The following TPTE2 variants were observed in gnomAD, a reference collection of about 807,000 sequenced individuals.
The protein encoded by TPTE2 is phosphatidylinositol 3,4,5-trisphosphate 3-phosphatase TPTE2.
TPTE2 carries 53 observed loss-of-function variants against 78.6 expected under a neutral mutation model. That is an observed-to-expected ratio of 0.67 (90% CI 0.54 to 0.85). The LOEUF (loss-of-function observed/expected upper bound fraction) is 0.85. Among genes scored for constraint, TPTE2 ranks in the 40% least tolerant of loss-of-function variants. The pLI is 0.00. For missense variants in TPTE2, 461 were observed against 623.0 expected (o/e 0.74, Z 2.77); for synonymous variants, 175 against 206.2 (o/e 0.85, Z 1.30).
At chr13:19,469,933 T>G (rs1184709917) in intron 6 of TPTE2, among the ~76,000 whole-genome samples, 1 of 152,228 alleles carries the variant, frequency 6.6e-6, no homozygotes, top group Non-Finnish European at 1.5e-5. Flanking sequence ...GAGTCTTTAG[T>G]ATTTTCCAAA....
chr13:19,452,329 AAG>A (rs1269815127), intron 10 of TPTE2, among the ~76,000 whole-genome samples: 2 of 152,124 alleles, frequency 1.3e-5, no homozygotes, highest in Non-Finnish European at 2.9e-5. Flanking sequence ...GAATCAATGG[AAG>A]ATCAATAGGC....
At chr13:19,466,469 G>T (rs1244258073) in intron 7 of TPTE2, among the ~76,000 whole-genome samples, 1 of 152,178 alleles carries the variant, frequency 6.6e-6, no homozygotes, top group African/African-American at 2.4e-5. Flanking sequence ...AGCTTAGGAA[G>T]CCACCATCTA....
At chr13:19,504,167 T>A (rs1327383175), upstream of TPTE2, among the ~76,000 whole-genome samples, 1 of 152,162 alleles carries the variant, frequency 6.6e-6, no homozygotes, top group Non-Finnish European at 1.5e-5. Context: ...CAATATGACA[T>A]CCTAGACTTC....
rs1314992899 is a variant in TPTE2 at position 19,473,389 on chromosome 13, T to C, written c.392+525A>G. Among the ~76,000 whole-genome samples, 6 of 152,244 alleles carry C rather than the reference T, an allele frequency of 3.9e-5. No homozygotes were observed. The South Asian group carries it at 6.2e-4, about 16-fold the overall frequency. Reference sequence around the variant, plus strand: ...TTTAAAAGTCTACCTAGTGTTTTATTGTGCTACGGCTGAGCTGTCACTCAA... The same window carrying C: ...TTTAAAAGTCTACCTAGTGTTTTATCGTGCTACGGCTGAGCTGTCACTCAA... On this transcript the variant is annotated intron_variant, in intron 6 of 19. Coordinates refer to ENST00000400230, the Ensembl canonical transcript of TPTE2.
chr13:19,560,834 T>C, the TPTE2 span: 1 of 1,545,284 alleles, frequency 6.5e-7, no homozygotes, highest in East Asian at 2.4e-5. Flanking sequence ...CCAGGCGCGC[T>C]CCCGCAGGCT....
chr13:19,499,346 A>T (rs1291011110), intron 1 of TPTE2, among the ~76,000 whole-genome samples: 1 of 152,070 alleles, frequency 6.6e-6, no homozygotes, highest in Non-Finnish European at 1.5e-5. Flanking sequence ...CAGAATATAC[A>T]TTCTTCTCAG....
intron 13 of TPTE2, among the ~76,000 whole-genome samples, chr13:19,448,655 CAAAAG>C (rs975541748): frequency 4.0e-4 from 49 of 123,450 alleles, no homozygotes; most frequent in African/African-American, 1.3e-3. Flanking sequence ...AACAAAAAGA[CAAAAG>C]AAGAGTTGGT....
chr13:19,492,622 T>TA (rs1881065538), intron 3 of TPTE2, among the ~76,000 whole-genome samples: 2 of 152,304 alleles, frequency 1.3e-5, no homozygotes, highest in South Asian at 2.1e-4. Context: ...GAAACCTTGT[T>TA]AAAAAATACT....
At chr13:19,496,889 G>T (rs970261645) in intron 1 of TPTE2, among the ~76,000 whole-genome samples, 1 of 151,998 alleles carries the variant, frequency 6.6e-6, no homozygotes, top group African/African-American at 2.4e-5. Context: ...CTGAGGTACT[G>T]GGTTCATCTC....
chr13:19,508,099 C>T (rs1408132511), upstream of TPTE2, among the ~76,000 whole-genome samples: 2 of 152,118 alleles, frequency 1.3e-5, no homozygotes, highest in African/African-American at 4.8e-5. Context: ...ACACGGCTTA[C>T]GTCCTAGATT....
chr13:19,455,376 C>T (rs1193499114), intron 10 of TPTE2, among the ~76,000 whole-genome samples: 36 of 152,182 alleles, frequency 2.4e-4, no homozygotes, highest in Admixed American at 5.9e-4. Context: ...CATTTCACCT[C>T]GTAGTGCCCC....
intron 1 of TPTE2, among the ~76,000 whole-genome samples, chr13:19,494,777 C>T (rs1397458151): frequency 6.6e-6 from 1 of 152,134 alleles, no homozygotes; most frequent in Non-Finnish European, 1.5e-5. Context: ...CCAGGGCATT[C>T]GGATCAGGAC....
intron 1 of TPTE2, among the ~76,000 whole-genome samples, chr13:19,508,915 A>C (rs1158546886): frequency 1.3e-5 from 2 of 152,178 alleles, no homozygotes; most frequent in African/African-American, 4.8e-5. Context: ...TCCGTACCAT[A>C]AAGAAAGCTT....
At chr13:19,515,025 G>T (rs1363379033) in intron 1 of TPTE2, among the ~76,000 whole-genome samples, 1 of 152,026 alleles carries the variant, frequency 6.6e-6, no homozygotes, top group Non-Finnish European at 1.5e-5. Flanking sequence ...TCAGCATTTT[G>T]CCAATATTGG....
the TPTE2 span, among the ~76,000 whole-genome samples, chr13:19,557,335 A>C: frequency 6.6e-6 from 1 of 152,162 alleles, no homozygotes; most frequent in Non-Finnish European, 1.5e-5. Flanking sequence ...GTTACTTAAG[A>C]GTGTATGTGT....
At chr13:19,436,144 A>G (rs1877066056) in intron 15 of TPTE2, 82 bp downstream of exon 18, 8 of 1,149,352 alleles carry the variant, frequency 7.0e-6, no homozygotes, top group Non-Finnish European at 8.6e-6. Context: ...AAAGGAGAAG[A>G]GTCTAAAATG....
At chr13:19,477,473 C>A (rs1880040344) in intron 4 of TPTE2, among the ~76,000 whole-genome samples, 1 of 152,166 alleles carries the variant, frequency 6.6e-6, no homozygotes, top group Non-Finnish European at 1.5e-5. Context: ...CCTGGACCCA[C>A]CACCTCCGCC....
At chr13:19,516,843 G>A (rs1258144720) in intron 1 of TPTE2, among the ~76,000 whole-genome samples, 1 of 152,064 alleles carries the variant, frequency 6.6e-6, no homozygotes, top group Non-Finnish European at 1.5e-5. Flanking sequence ...CATAGAATGA[G>A]GCTTGGTTTG....
intron 15 of TPTE2, among the ~76,000 whole-genome samples, chr13:19,434,606 G>GTTTCA (rs1195196248): frequency 8.5e-6 from 1 of 117,864 alleles, no homozygotes; most frequent in Non-Finnish European, 1.9e-5. Context: ...GTTTTGTTTT[G>GTTTCA]TTTGGGGCTT....
Sources: gnomAD v4.1 joint callset for allele counts (sites outside exome capture counted in the v4.1 genomes callset) on GRCh38, gnomAD v4.1.1 for gene constraint, MANE v1.5 for transcripts, NCBI Gene and HGNC (gene_info 2026-07-23, HGNC 2026-07-21) for gene names.